GLCE: variants seen among roughly 807,000 people sequenced by gnomAD.
GLCE encodes glucuronic acid epimerase, also known as D-glucuronyl C5-epimerase.
Under a neutral mutation model 47.9 loss-of-function variants are expected in GLCE, and 19 were observed. The ratio of observed to expected loss-of-function variants is 0.40; its 90% CI spans 0.28 to 0.58. GLCE has a LOEUF of 0.58. Ranked by LOEUF, GLCE falls within the 20% of genes least tolerant of loss-of-function variation. GLCE has a pLI of 0.48. For missense variants in GLCE, 556 were observed against 743.3 expected (o/e 0.75, Z 2.93); for synonymous variants, 245 against 263.4 (o/e 0.93, Z 0.68).
rs183585642 is a variant in GLCE at position 69,269,568 on chromosome 15, A to G, written c.*324A>G. ...AGAAAGATAATGGTAAGTAGTTGCT[A>G]CTGGCCAACTGTCTAGCACTTACCT... On this transcript the variant is annotated 3_prime_UTR_variant, in exon 5 of 5. Transcript: ENST00000261858. 368 of 260,898 alleles carry G rather than the reference A, an allele frequency of 1.4e-3. No individual in the cohort carries two copies. The highest frequency in any genetic ancestry group is 7.4e-3 in the African/African-American group (337 of 45,460). The allele number at this position is 260,898 out of a possible 1,614,324, so 16.2% of individuals were successfully genotyped here. A position where few individuals can be genotyped will look rare whatever the true frequency, so the allele number is the denominator to read the frequency against.
At chr15:69,163,616 G>A (rs1055085739) in intron 1 of GLCE, among the ~76,000 whole-genome samples, 5 of 152,156 alleles carry the variant, frequency 3.3e-5, no homozygotes, top group Non-Finnish European at 5.9e-5. Context: ...TGCTACGTAA[G>A]CATACAAAAG....
At chr15:69,229,553 CTT>C (rs1176567116) in intron 2 of GLCE, among the ~76,000 whole-genome samples, 1 of 151,920 alleles carries the variant, frequency 6.6e-6, no homozygotes, top group African/African-American at 2.4e-5. Context: ...ATTTAAGAAA[CTT>C]TTTTCTTAAA....
chr15:69,261,234 A>G lies in GLCE; in HGVS notation c.734A>G (p.Asn245Ser). Residue 245 changes from asparagine to serine, a missense_variant, in exon 4 of 5, where the codon AAC becomes AGC. By Grantham distance (46) the Asn-to-Ser change is conservative. Coordinates refer to ENST00000261858, the MANE Select transcript of GLCE (RefSeq NM_015554.3). ...GAAACAGCAGAAGACAGAGACAAAA[A>G]CAAGCCTAATGACTGGACTGTGCCA... ...VYETAEDRDK[N>S]KPNDWTVPKG... The G allele has an allele frequency of 1.2e-6, 2 of 1,614,162 alleles. No homozygotes were observed. Among genetic ancestry groups the G allele is most frequent in the Non-Finnish European group, 1.7e-6 (2 of 1,180,016 alleles).
intron 2 of GLCE, among the ~76,000 whole-genome samples, chr15:69,255,582 A>C (rs1334706984): frequency 6.6e-6 from 1 of 152,126 alleles, no homozygotes; most frequent in African/African-American, 2.4e-5. Flanking sequence ...TCTGCTTTAG[A>C]AGCTTGAGCT....
At chr15:69,167,032 A>G (rs537716379) in intron 1 of GLCE, among the ~76,000 whole-genome samples, 1 of 151,640 alleles carries the variant, frequency 6.6e-6, no homozygotes, top group Non-Finnish European at 1.5e-5. Context: ...CCTGGCCAAC[A>G]TGGTGAAACC....
intron 2 of GLCE, among the ~76,000 whole-genome samples, chr15:69,236,452 G>A (rs2052595441): frequency 6.6e-6 from 1 of 152,018 alleles, no homozygotes; most frequent in Admixed American, 6.6e-5. Context: ...AAATTAGCAT[G>A]TAGTAGTAGT....
At chr15:69,255,078 A>G (rs993879421) in intron 2 of GLCE, among the ~76,000 whole-genome samples, 2 of 152,222 alleles carry the variant, frequency 1.3e-5, no homozygotes, top group African/African-American at 4.8e-5. Flanking sequence ...TGACTATTTT[A>G]TGCTGTTAGG....
chr15:69,189,345 T>C (rs372558998), intron 1 of GLCE, among the ~76,000 whole-genome samples: 19 of 152,328 alleles, frequency 1.2e-4, no homozygotes, highest in African/African-American at 4.1e-4. Flanking sequence ...TTAAGGTTCT[T>C]GCATGTCTTT....
rs2140447648 is a variant in GLCE at position 69,261,150 on chromosome 15, A to G, written c.650A>G (p.Tyr217Cys). Residue 217 changes from tyrosine (Y) to cysteine (C), a missense_variant, in exon 4 of 5, where the codon TAT (tyrosine) becomes TGT (cysteine). Transcript: ENST00000261858. ...TTCTATCCAATCCAGATTGCACAGT[A>G]TGGATTAAGTCATTACAGCAAGAAT... The part of the protein sequence containing the change: ...GYFYPIQIAQ[Y>C]GLSHYSKNLT... 1 of 1,611,254 alleles carries G rather than the reference A, an allele frequency of 6.2e-7. No homozygotes were observed. Among genetic ancestry groups the G allele is most frequent in the Non-Finnish European group, 8.5e-7 (1 of 1,177,340 alleles).
intron 2 of GLCE, among the ~76,000 whole-genome samples, chr15:69,229,483 A>G (rs1360757710): frequency 1.3e-5 from 2 of 152,200 alleles, no homozygotes; most frequent in Non-Finnish European, 2.9e-5. Context: ...ACAAAAATAA[A>G]TGAAGAGCCC....
chr15:69,205,992 A>G (rs182837408), intron 1 of GLCE, among the ~76,000 whole-genome samples: 17 of 152,190 alleles, frequency 1.1e-4, no homozygotes, highest in Admixed American at 3.9e-4. Context: ...CTTACTACCA[A>G]CCAAACTCCA....
intron 2 of GLCE, among the ~76,000 whole-genome samples, chr15:69,221,862 CAAAA>C (rs35986310): frequency 8.0e-5 from 7 of 87,438 alleles, no homozygotes; most frequent in African/African-American, 1.2e-4. Flanking sequence ...GACGCTGTCT[CAAAA>C]AAAAAAAAAA....
At position 69,270,371 on chromosome 15, in the gene GLCE, T is replaced by TA. The variant is rs1025297794; in HGVS notation, c.*1128dup. The TA allele has an allele frequency of 5.9e-5, 9 of 152,172 alleles. No individual in the cohort carries two copies. Among genetic ancestry groups the TA allele is most frequent in the African/African-American group, 1.7e-4 (7 of 41,448 alleles). The allele number at this position is 152,172 out of a possible 1,614,324, so 9.4% of individuals were successfully genotyped here. On this transcript the variant is annotated 3_prime_UTR_variant, in exon 5 of 5. Coordinates refer to ENST00000261858, the MANE Select transcript of GLCE (RefSeq NM_015554.3). ...CCCAGCTATTAGATAGAAGGGATGT[T>TA]ACTGCACTTATGTGTAATCAGATCT...
At chr15:69,247,287 G>C (rs772898793) in intron 2 of GLCE, among the ~76,000 whole-genome samples, 50 of 152,236 alleles carry the variant, frequency 3.3e-4, no homozygotes, top group Non-Finnish European at 5.9e-4. Flanking sequence ...AGCACTTGCT[G>C]CTTTACCTTG....
chr15:69,195,897 A>T (rs1003729072), intron 1 of GLCE, among the ~76,000 whole-genome samples: 1 of 152,202 alleles, frequency 6.6e-6, no homozygotes, highest in African/African-American at 2.4e-5. Context: ...TGTATCACAT[A>T]CAACAGTAAA....
intron 1 of GLCE, among the ~76,000 whole-genome samples, chr15:69,187,733 C>G (rs971919043): frequency 6.6e-6 from 1 of 152,118 alleles, no homozygotes. Context: ...TCAATTGATT[C>G]TCAAATGTTA....
chr15:69,177,208 G>A (rs1032022713), intron 1 of GLCE, among the ~76,000 whole-genome samples: 3 of 151,564 alleles, frequency 2.0e-5, no homozygotes, highest in African/African-American at 4.9e-5. Context: ...TAGTAGAGAC[G>A]GGGTTTCACC....
Position 69,268,239 on chromosome 15 carries a change from C to T in GLCE, c.849C>T (p.Ser283=), listed in dbSNP as rs2053112974. The T allele has an allele frequency of 1.9e-6, 3 of 1,605,894 alleles. No individual in the cohort carries two copies. Among genetic ancestry groups the T allele is most frequent in the African/African-American group, 1.3e-5 (1 of 74,540 alleles). ...CTACAGAAACCAGTGAAGGTGTATC[C>T]TTGCAACTGGGAAACACAAAAGATT... ...FIAPETSEGV[S]LQLGNTKDFI... is the part of the protein sequence containing the mutation. The change falls in exon 5 of 5, where the codon TCC becomes TCT. Residue 283 remains serine (S), a synonymous_variant. Coordinates refer to ENST00000261858, the MANE Select transcript of GLCE (RefSeq NM_015554.3).
intron 4 of GLCE, among the ~76,000 whole-genome samples, chr15:69,266,171 C>T (rs1370926029): frequency 6.6e-5 from 10 of 152,182 alleles, no homozygotes; most frequent in Non-Finnish European, 1.3e-4. Flanking sequence ...ATTCTTGATA[C>T]AACTTTCAGA....
Sources: allele counts gnomAD v4.1 joint callset (sites outside exome capture counted in the v4.1 genomes callset), GRCh38; gene constraint gnomAD v4.1.1; transcripts MANE v1.5; gene names NCBI Gene and HGNC (gene_info 2026-07-23, HGNC 2026-07-21).